MYLK: variants seen among roughly 807,000 people sequenced by gnomAD.
MYLK encodes myosin light chain kinase, smooth muscle.
A neutral mutation model predicts 203.4 loss-of-function variants in MYLK; 106 were observed. The observed-to-expected ratio is 0.52, with a 90% CI of 0.45 to 0.61. The LOEUF is 0.61. Among genes scored for constraint, MYLK ranks in the 20% least tolerant of loss-of-function variants. The probability of loss-of-function intolerance (pLI) is 0.00; values close to 1 mark genes in which losing one functional copy is unlikely to be tolerated. For synonymous variants in MYLK, 867 were observed against 959.5 expected, an observed-to-expected ratio of 0.90 and a Z score of 1.78; for missense variants, 2,072 against 2,442.3, an observed-to-expected ratio of 0.85 and a Z score of 3.20.
intron 20 of MYLK, among the ~76,000 whole-genome samples, chr3:123,670,175 A>G (rs1239739115): frequency 6.6e-6 from 1 of 151,890 alleles, no homozygotes; most frequent in African/African-American, 2.4e-5. Context: ...ATAAAAGTTA[A>G]ATAGAAAGTT....
At chr3:123,660,922 G>A (rs927425114) in intron 23 of MYLK, among the ~76,000 whole-genome samples, 1 of 152,244 alleles carries the variant, frequency 6.6e-6, no homozygotes, top group Non-Finnish European at 1.5e-5. Flanking sequence ...AATTCTAAGT[G>A]TACAGGCTCT....
At chr3:123,782,583 T>A (rs911771134) in intron 4 of MYLK, among the ~76,000 whole-genome samples, 6 of 152,340 alleles carry the variant, frequency 3.9e-5, no homozygotes, top group African/African-American at 1.4e-4. Context: ...CAGACCTCAG[T>A]GCTATCGCTC....
At chr3:123,814,194 G>C (rs2065660429) in intron 3 of MYLK, 2 of 280,182 alleles carry the variant, frequency 7.1e-6, no homozygotes, top group Admixed American at 3.7e-5. Context: ...GGATAAATTT[G>C]GTTACAGATA....
intron 5 of MYLK, among the ~76,000 whole-genome samples, chr3:123,746,344 G>C (rs1269029183): frequency 6.6e-6 from 1 of 152,076 alleles, no homozygotes; most frequent in Non-Finnish European, 1.5e-5. Context: ...ATGAAGAAGA[G>C]GCTAGAACTA....
intron 20 of MYLK, among the ~76,000 whole-genome samples, chr3:123,668,242 G>A (rs1272098029): frequency 2.0e-5 from 3 of 152,120 alleles, no homozygotes; most frequent in Non-Finnish European, 4.4e-5. Context: ...ATCTGTATGC[G>A]AATATTTGCA....
intron 3 of MYLK, among the ~76,000 whole-genome samples, chr3:123,815,464 C>T (rs768862345): frequency 2.0e-5 from 3 of 152,194 alleles, no homozygotes; most frequent in Non-Finnish European, 4.4e-5. Context: ...AAAACGATTG[C>T]TATCAAGCAA....
rs567747368 is a variant in MYLK, at chr3:123,740,118, A to C, written c.374-117T>G. ...TGATGGTGATCATTAATCTTGACTG[A>C]GCATGGGCTGTGTCACTATGGATAC... On this transcript the variant is annotated intron_variant, in intron 5 of 33. Coordinates refer to ENST00000360304, the MANE Select transcript of MYLK (RefSeq NM_053025.4). The C allele has an allele frequency of 1.2e-5, 12 of 967,102 alleles. No homozygotes were observed. The East Asian group carries it at 2.9e-4, about 23-fold the overall frequency. The allele number at this position is 967,102 out of a possible 1,614,324, so 59.9% of individuals were successfully genotyped here.
At chr3:123,858,777 A>G (rs1346485715) in intron 2 of MYLK, among the ~76,000 whole-genome samples, 2 of 152,102 alleles carry the variant, frequency 1.3e-5, no homozygotes, top group East Asian at 3.9e-4. Flanking sequence ...ACACTGACAC[A>G]CTGGGGACCC....
chr3:123,663,839 G>A lies in MYLK; in HGVS notation c.3985+266C>T, dbSNP rs74596594. ...CAAGGCCTGAGGGCGGGGAACTCCA[G>A]GAACAGCTATCACAGAGAGGTGTTG... is the stretch of plus-strand genomic sequence containing the variant. On this transcript the variant is annotated intron_variant, in intron 23 of 33. Coordinates refer to ENST00000360304, the MANE Select transcript of MYLK (RefSeq NM_053025.4). Among the ~76,000 whole-genome samples the A allele has an allele frequency of 4.9e-3, 742 of 152,328 alleles. 4 individuals carry two copies. The highest frequency in any genetic ancestry group is 9.4e-3 in the Non-Finnish European group (638 of 68,024).
chr3:123,680,251 C>T (rs1009646941), intron 20 of MYLK, among the ~76,000 whole-genome samples: 3 of 152,270 alleles, frequency 2.0e-5, no homozygotes, highest in South Asian at 2.1e-4. Context: ...CTCCACAGCT[C>T]GGCTCTGACC....
In MYLK at chr3:123,613,467, A is replaced by G. The variant is rs2057302633; in HGVS notation, c.*638T>C. ...TTTCCTAAGGAAGCCAGAGTCATCC[A>G]TGAGCAGGGACCTGTCTTCAGAATC... On this transcript the variant is annotated 3_prime_UTR_variant, in exon 34 of 34. Transcript: ENST00000360304. 6.5e-6 allele frequency: 1 copy of G among 153,048 alleles called. No homozygotes were observed. Among genetic ancestry groups the G allele is most frequent in the African/African-American group, 2.4e-5 (1 of 41,448 alleles). The allele number at this position is 153,048 out of a possible 1,614,324, so 9.5% of individuals were successfully genotyped here.
intron 3 of MYLK, among the ~76,000 whole-genome samples, chr3:123,829,124 G>A (rs770827271): frequency 3.3e-5 from 5 of 152,088 alleles, no homozygotes; most frequent in African/African-American, 9.7e-5. Flanking sequence ...GGAAATCATC[G>A]AAGAGACGTC....
At chr3:123,733,302 G>A (rs1030116622) in intron 10 of MYLK, among the ~76,000 whole-genome samples, 200 bp from the exon 11 acceptor site, 2 of 152,174 alleles carry the variant, frequency 1.3e-5, no homozygotes, top group African/African-American at 4.8e-5. Context: ...GCCTTGAGGA[G>A]GATGAATACA....
chr3:123,706,785 G>A (rs1244026748), intron 16 of MYLK, among the ~76,000 whole-genome samples: 1 of 141,702 alleles, frequency 7.1e-6, no homozygotes. Context: ...ATGTAGCAGT[G>A]TGCCTCATGG....
At chr3:123,724,139 CTTTTTTTT>C (rs5852359) in intron 12 of MYLK, among the ~76,000 whole-genome samples, 5 of 80,864 alleles carry the variant, frequency 6.2e-5, no homozygotes, top group Non-Finnish European at 8.4e-5. Context: ...CTAAGTTTTG[CTTTTTTTT>C]TTTTTTTTTT....
chr3:123,620,804 CATAATA>C (rs1164683028), intron 31 of MYLK: 2 of 214,336 alleles, frequency 9.3e-6, no homozygotes, highest in Middle Eastern at 2.3e-3. Context: ...CAAAAATAAT[CATAATA>C]ATAATAACAC....
At chr3:123,632,021 C>T (rs946051074) in intron 29 of MYLK, among the ~76,000 whole-genome samples, 1 of 152,072 alleles carries the variant, frequency 6.6e-6, no homozygotes, top group African/African-American at 2.4e-5. Context: ...AGGTGCCCAC[C>T]ACCACACCCA....
At chr3:123,845,515 A>G (rs2029874999) in intron 2 of MYLK, among the ~76,000 whole-genome samples, 1 of 152,054 alleles carries the variant, frequency 6.6e-6, no homozygotes, top group South Asian at 2.1e-4. Context: ...TTTTGAGACA[A>G]GGTCTCACTC....
At chr3:123,851,261 G>A (rs1192835287) in intron 2 of MYLK, among the ~76,000 whole-genome samples, 2 of 152,174 alleles carry the variant, frequency 1.3e-5, no homozygotes, top group East Asian at 3.9e-4. Context: ...CTTTAAAGTA[G>A]TTTTTTCCAA....
Sources: gnomAD v4.1 joint callset for allele counts (sites outside exome capture counted in the v4.1 genomes callset) on GRCh38, gnomAD v4.1.1 for gene constraint, MANE v1.5 for transcripts, NCBI Gene and HGNC (gene_info 2026-07-23, HGNC 2026-07-21) for gene names.